Variants in EVC observed in about 807,000 individuals in gnomAD.
The protein encoded by EVC is EvC ciliary complex subunit 1.
Under a neutral mutation model 118.9 loss-of-function variants are expected in EVC, and 116 were observed. The observed-to-expected ratio is 0.98, with a 90% CI of 0.84 to 1.14. The LOEUF is 1.14. Ranked by LOEUF, EVC falls within the 50% of genes most tolerant of loss-of-function variation. The probability of loss-of-function intolerance (pLI) is 0.00; values close to 1 mark genes in which losing one functional copy is unlikely to be tolerated. For synonymous variants in EVC, 619 were observed against 534.7 expected (o/e 1.16, Z -2.18); for missense variants, 1,401 against 1,246.4 (o/e 1.12, Z -1.87).
Position 5,741,451 on chromosome 4 carries a change from C to T in EVC, c.703-265C>T, listed in dbSNP as rs149486305. On this transcript the variant is annotated intron_variant, in intron 5 of 20. Transcript: ENST00000264956. The stretch of plus-strand genomic sequence containing the variant: ...GAGGGCCTTGCACAGAGTAAGCACT[C>T]AATATTTGTTGAATACATGCATGAG... Among the ~76,000 whole-genome samples the T allele has an allele frequency of 6.1e-3, 931 of 152,242 alleles. 8 individuals are homozygous for T. Among genetic ancestry groups the T allele is most frequent in the African/African-American group, 0.021 (890 of 41,514 alleles).
intron 18 of EVC, among the ~76,000 whole-genome samples, chr4:5,808,604 G>C (rs1430651433): frequency 6.6e-6 from 1 of 152,226 alleles, no homozygotes; most frequent in East Asian, 1.9e-4. Flanking sequence ...CATCTATGGA[G>C]CTGACAGAGA....
chr4:5,819,523 CATG>C, the EVC span, among the ~76,000 whole-genome samples: 28 of 152,218 alleles, frequency 1.8e-4, no homozygotes, highest in Admixed American at 3.3e-4. Context: ...CAAAGTTCGA[CATG>C]GGCTCTAGAT....
the EVC span, chr4:5,826,678 T>TGAAC: frequency 6.6e-6 from 1 of 152,278 alleles, no homozygotes; most frequent in Non-Finnish European, 1.5e-5. Context: ...GAACAGCATG[T>TGAAC]GTTCAGGGAC....
At chr4:5,779,307 T>C (rs1735230461) in intron 11 of EVC, among the ~76,000 whole-genome samples, 1 of 152,124 alleles carries the variant, frequency 6.6e-6, no homozygotes, top group Non-Finnish European at 1.5e-5. Flanking sequence ...TGGCTTAGGA[T>C]TGACTTGGCG....
intron 4 of EVC, among the ~76,000 whole-genome samples, chr4:5,733,098 G>C (rs1327188660): frequency 3.3e-5 from 5 of 152,080 alleles, no homozygotes; most frequent in Non-Finnish European, 1.5e-5. Flanking sequence ...CTCTCCATTG[G>C]TTTTCTCTTG....
chr4:5,740,063 T>C lies in EVC; in HGVS notation c.703-1653T>C, dbSNP rs552086961. ...TAAATGGTACTGGAGCAATTGGACA[T>C]CCATAAACAATAACAACGACAAAAG... On this transcript the variant is annotated intron_variant, in intron 5 of 20. Coordinates refer to ENST00000264956, the MANE Select transcript of EVC (RefSeq NM_153717.3). 3.9e-5 allele frequency among the ~76,000 whole-genome samples: 6 copies of C among 152,282 alleles called. No homozygotes were observed. The East Asian group carries it at 1.2e-3, about 29-fold the overall frequency.
intron 1 of EVC, among the ~76,000 whole-genome samples, chr4:5,718,368 C>T (rs1403804880): frequency 1.3e-5 from 2 of 151,984 alleles, no homozygotes; most frequent in Non-Finnish European, 2.9e-5. Flanking sequence ...AGCTCTGTAA[C>T]TCACACCTGA....
rs1020877502 is a variant in EVC, at chr4:5,793,668, G to A, written c.1837G>A (p.Glu613Lys). Reference protein sequence around the residue: ...VLQTHLREDHEGTIRGVLGRL... With the variant: ...VLQTHLREDHKGTIRGVLGRL... ...GCAGACACACCTGCGGGAGGACCACGAGGGCACCATCCGCGGCGTCTTGGG... is the reference window on the plus strand; with the variant it reads ...GCAGACACACCTGCGGGAGGACCACAAGGGCACCATCCGCGGCGTCTTGGG... The change falls in exon 13 of 21, where the codon GAG becomes AAG. Residue 613 changes from glutamate (E) to lysine (K), a missense_variant. Physicochemically the swap from Glu to Lys is moderately conservative, Grantham distance 56. Transcript: ENST00000264956. 21 of 1,552,902 alleles carry A rather than the reference G, an allele frequency of 1.4e-5. No individual in the cohort carries two copies. The African/African-American group carries it at 1.4e-4, about 10-fold the overall frequency.
chr4:5,798,235 A>C lies in EVC; in HGVS notation c.2098-351A>C, dbSNP rs941365912. On this transcript the variant is annotated intron_variant, in intron 14 of 20. Coordinates refer to ENST00000264956, the MANE Select transcript of EVC (RefSeq NM_153717.3). The surrounding 1 kb of genome is among the most constrained non-coding windows in gnomAD (Gnocchi z 4.1). ...ACCTGGCTCTGCTGTGTGACTTTAG[A>C]AAGTTACTTAACTTCTCTGAGCCTT... 1.1e-4 allele frequency among the ~76,000 whole-genome samples: 17 copies of C among 152,276 alleles called. No homozygotes were observed. The highest frequency in any genetic ancestry group is 4.1e-4 in the African/African-American group (17 of 41,550).
intron 11 of EVC, among the ~76,000 whole-genome samples, chr4:5,779,503 C>T (rs904488060): frequency 1.3e-5 from 2 of 149,086 alleles, no homozygotes; most frequent in Non-Finnish European, 3.0e-5. Context: ...TGTTTGTATC[C>T]TCTTTTATTT....
In EVC at chr4:5,755,334, G is replaced by GT. The variant is rs1730994101; in HGVS notation, c.1465-928dup. The stretch of plus-strand genomic sequence containing the variant: ...GTCCTCGGAACGCCTCAGCGCTGGC[G>GT]TTCAGGACACGTGGGACGCAGGCAG... On this transcript the variant is annotated intron_variant, in intron 10 of 20. Transcript: ENST00000264956. This position sits in a 1 kb window ranked among gnomAD's most constrained non-coding sequence, Gnocchi z 4.1. 6.6e-6 allele frequency among the ~76,000 whole-genome samples: 1 copy of GT among 152,160 alleles called. No individual in the cohort carries two copies. The highest frequency in any genetic ancestry group is 2.4e-5 in the African/African-American group (1 of 41,446).
intron 1 of EVC, among the ~76,000 whole-genome samples, chr4:5,717,519 G>T (rs1724177057): frequency 6.6e-6 from 1 of 152,082 alleles, no homozygotes; most frequent in Non-Finnish European, 1.5e-5. Context: ...TTTACTGTAG[G>T]ACTATCTGAC....
At chr4:5,751,837 G>T (rs1372181747) in intron 8 of EVC, among the ~76,000 whole-genome samples, 2 of 152,214 alleles carry the variant, frequency 1.3e-5, no homozygotes, top group Admixed American at 6.5e-5. Flanking sequence ...GAGGCAGTGA[G>T]GGTGTTCCAG....
intron 5 of EVC, among the ~76,000 whole-genome samples, chr4:5,740,737 C>T (rs1201465379): frequency 2.0e-5 from 3 of 152,142 alleles, no homozygotes; most frequent in Non-Finnish European, 4.4e-5. Context: ...TTTCCAAACT[C>T]AGCTGAAGAC....
rs1729381717 is a variant in EVC at position 5,746,546 on chromosome 4, G to C, written c.939+1205G>C. Among the ~76,000 whole-genome samples, 1 of 152,172 alleles carries C rather than the reference G, an allele frequency of 6.6e-6. No homozygotes were observed. The highest frequency in any genetic ancestry group is 1.5e-5 in the Non-Finnish European group (1 of 68,038). On this transcript the variant is annotated intron_variant, in intron 7 of 20. Coordinates refer to ENST00000264956, the MANE Select transcript of EVC (RefSeq NM_153717.3). The surrounding 1 kb of genome is among the most constrained non-coding windows in gnomAD (Gnocchi z 5.8). ...GATGGAGGGTCTCCATGAGAGCCCAGGTTAGAGGACTTTGAGGGCCAGAAT... is the reference window on the plus strand; with the variant it reads ...GATGGAGGGTCTCCATGAGAGCCCACGTTAGAGGACTTTGAGGGCCAGAAT...
chr4:5,763,494 T>G (rs1245772505), intron 11 of EVC, among the ~76,000 whole-genome samples: 2 of 147,336 alleles, frequency 1.4e-5, no homozygotes, highest in African/African-American at 5.1e-5. Context: ...CCTTGGGCAG[T>G]ATGGCCATTT....
At chr4:5,722,385 TCTC>T (rs1259756247) in intron 2 of EVC, among the ~76,000 whole-genome samples, 8 of 152,304 alleles carry the variant, frequency 5.3e-5, no homozygotes, top group Middle Eastern at 3.4e-3. Flanking sequence ...AAGTGAAAGA[TCTC>T]CTTGTTTCAG....
intron 11 of EVC, among the ~76,000 whole-genome samples, chr4:5,777,970 C>A (rs1936019218): frequency 6.6e-6 from 1 of 151,570 alleles, no homozygotes; most frequent in Non-Finnish European, 1.5e-5. Flanking sequence ...GTATATCTCC[C>A]AGTGCTATCC....
chr4:5,802,165 G>T, intron 16 of EVC, 71 bp downstream of exon 16: 1 of 1,562,510 alleles, frequency 6.4e-7, no homozygotes, highest in Non-Finnish European at 8.8e-7. Flanking sequence ...GGGCAGAATA[G>T]GATGTCAGAT....
Sources: allele counts gnomAD v4.1 joint callset (sites outside exome capture counted in the v4.1 genomes callset), GRCh38; gene constraint gnomAD v4.1.1; non-coding constraint Gnocchi (gnomAD v3.1); transcripts MANE v1.5; gene names NCBI Gene and HGNC (gene_info 2026-07-23, HGNC 2026-07-21).